Variants in RALGDS observed in about 807,000 individuals in gnomAD.
RALGDS encodes the protein ral guanine nucleotide exchange factor.
Under a neutral mutation model 99.8 loss-of-function variants are expected in RALGDS, and 44 were observed. That is an observed-to-expected ratio of 0.44 (90% CI 0.35 to 0.57). The LOEUF (loss-of-function observed/expected upper bound fraction) is 0.57. Ranked by LOEUF, RALGDS falls within the 20% of genes least tolerant of loss-of-function variation. RALGDS has a pLI of 0.01. For synonymous variants in RALGDS, 529 were observed against 505.0 expected (o/e 1.05, Z -0.64); for missense variants, 1,022 against 1,203.1 (o/e 0.85, Z 2.23).
chr9:133,106,559 G>T, intron 8 of RALGDS, 86 bp downstream of exon 8: 1 of 1,045,202 alleles, frequency 9.6e-7, no homozygotes. Flanking sequence ...CAGGGTTTGT[G>T]GCCTCCCATG....
chr9:133,129,847 G>A (rs983135831), intron 1 of RALGDS, among the ~76,000 whole-genome samples: 16 of 137,334 alleles, frequency 1.2e-4, no homozygotes, highest in Admixed American at 5.7e-4. Flanking sequence ...ATGGAATCTC[G>A]CTCTGTCGCC....
chr9:133,105,442 C>T (rs1366037321), intron 9 of RALGDS, among the ~76,000 whole-genome samples: 1 of 152,142 alleles, frequency 6.6e-6, no homozygotes, highest in Non-Finnish European at 1.5e-5. Context: ...CCAAATCTGC[C>T]TCCCAGGTCT....
Position 133,103,237 on chromosome 9 carries a change from CTCT to C in RALGDS, c.1781_1783del (p.Lys594del). On this transcript the variant is annotated inframe_deletion, in exon 12 of 18. Transcript: ENST00000372050. ...CTGCCTGCAGCTGCTTACCTTCCTC[CTCT>C]TCTCAAAGTTGATGAGTCTGCCCTG... is the stretch of plus-strand genomic sequence containing the variant. The C allele has an allele frequency of 1.2e-6, 2 of 1,613,976 alleles. No homozygotes were observed. Among genetic ancestry groups the C allele is most frequent in the Non-Finnish European group, 1.7e-6 (2 of 1,180,014 alleles).
intron 12 of RALGDS, 25 bp from the exon 13 acceptor site, chr9:133,102,925 C>T (rs767020930): frequency 3.5e-5 from 57 of 1,611,790 alleles, no homozygotes; most frequent in Middle Eastern, 1.6e-4. Context: ...AAGCACAGGG[C>T]GGTGACAAGG....
intron 1 of RALGDS, among the ~76,000 whole-genome samples, chr9:133,115,034 C>A (rs976271898): frequency 6.6e-6 from 1 of 152,140 alleles, no homozygotes. Flanking sequence ...GAGTGACAGG[C>A]CAGCAGGATG....
chr9:133,102,345 C>T (rs995083429), intron 14 of RALGDS, 131 bp downstream of exon 14: 1 of 1,157,344 alleles, frequency 8.6e-7, no homozygotes, highest in African/African-American at 1.5e-5. Flanking sequence ...GGACTCATCC[C>T]AGTCTCAGGG....
Position 133,098,647 on chromosome 9 carries a change from G to A in RALGDS, c.2685C>T (p.Ala895=), listed in dbSNP as rs1241292229. 6.2e-7 allele frequency: 1 copy of A among 1,614,154 alleles called. No individual in the cohort carries two copies. Among genetic ancestry groups the A allele is most frequent in the Admixed American group, 1.7e-5 (1 of 60,026 alleles). The change falls in exon 18 of 18, where the codon GCC becomes GCT. Residue 895 remains alanine (A), a synonymous_variant. Coordinates refer to ENST00000372050, the MANE Select transcript of RALGDS (RefSeq NM_006266.4). ...FTKGVKVKHG[A]SSTLPRMKQK... ...GCTTCATGCGAGGGAGGGTGGAGCT[G>A]GCTCCGTGCTTGACCTTCACTCCCT...
intron 1 of RALGDS, among the ~76,000 whole-genome samples, chr9:133,130,279 A>T (rs1367393899): frequency 1.3e-5 from 2 of 151,998 alleles, no homozygotes; most frequent in Non-Finnish European, 1.5e-5. Context: ...CACTTGGCTA[A>T]TTTTTTTGTA....
intron 1 of RALGDS, among the ~76,000 whole-genome samples, chr9:133,137,184 G>T (rs563514873): frequency 3.7e-4 from 56 of 151,978 alleles, no homozygotes; most frequent in Non-Finnish European, 6.9e-4. Flanking sequence ...AGTGAGCTGA[G>T]ATCGTGCCAC....
At chr9:133,104,992 T>G (rs574450371) in intron 9 of RALGDS, among the ~76,000 whole-genome samples, 69 of 152,276 alleles carry the variant, frequency 4.5e-4, no homozygotes, top group Middle Eastern at 3.4e-3. Context: ...TGACTTGCCC[T>G]GGGCCCCCCA....
At chr9:133,141,561 C>T (rs1230112017) in intron 1 of RALGDS, among the ~76,000 whole-genome samples, 10 of 148,082 alleles carry the variant, frequency 6.8e-5, no homozygotes, top group African/African-American at 2.0e-4. Flanking sequence ...CAGCAATAAG[C>T]GCTGAGCTGG....
Position 133,102,913 on chromosome 9 carries a change from G to C in RALGDS, c.1792-13C>G. On this transcript the variant is annotated splice_polypyrimidine_tract_variant and intron_variant, in intron 12 of 17. Transcript: ENST00000372050. ...TCACCTCGAACTCCTGGGGCCAGAG[G>C]GAAGCACAGGGCGGTGACAAGGCCC... The C allele has an allele frequency of 6.2e-7, 1 of 1,612,644 alleles. No individual in the cohort carries two copies. The highest frequency in any genetic ancestry group is 8.5e-7 in the Non-Finnish European group (1 of 1,179,898).
chr9:133,132,272 C>T (rs749424484), upstream of RALGDS, among the ~76,000 whole-genome samples: 13 of 152,178 alleles, frequency 8.5e-5, no homozygotes, highest in African/African-American at 1.4e-4. Context: ...ACGGGAGAGA[C>T]GCCCTGTGCA....
intron 9 of RALGDS, among the ~76,000 whole-genome samples, chr9:133,105,153 G>A (rs555334429): frequency 6.6e-6 from 1 of 152,238 alleles, no homozygotes; most frequent in East Asian, 1.9e-4. Flanking sequence ...AGGGACAGGT[G>A]TCCCAGGAGC....
intron 1 of RALGDS, among the ~76,000 whole-genome samples, chr9:133,147,609 C>T (rs917828643): frequency 3.3e-5 from 5 of 152,124 alleles, no homozygotes; most frequent in Non-Finnish European, 5.9e-5. Context: ...GGGTAGAGGC[C>T]GGGGTCCCCC....
intron 1 of RALGDS, among the ~76,000 whole-genome samples, chr9:133,137,193 A>G (rs1418720692): frequency 6.6e-6 from 1 of 151,842 alleles, no homozygotes; most frequent in African/African-American, 2.4e-5. Flanking sequence ...AGATCGTGCC[A>G]CTGCACTCCA....
chr9:133,110,238 G>C, intron 3 of RALGDS, 58 bp downstream of exon 3: 1 of 1,531,922 alleles, frequency 6.5e-7, no homozygotes, highest in Non-Finnish European at 9.0e-7. Context: ...CCCGCAGCCA[G>C]GTGGGGGTGG....
rs773825607 is a variant in RALGDS, at chr9:133,107,068, C to A, written c.1413+17G>T. ...GATGAAGCCAAAGTGGGGGCCCAGG[C>A]CCCTCCTCTGGCATACCCTGGCCAC... On this transcript the variant is annotated intron_variant, in intron 7 of 17. Transcript: ENST00000372050. 6.2e-7 allele frequency: 1 copy of A among 1,612,696 alleles called. No individual in the cohort carries two copies. Among genetic ancestry groups the A allele is most frequent in the Non-Finnish European group, 8.5e-7 (1 of 1,179,702 alleles).
intron 7 of RALGDS, among the ~76,000 whole-genome samples, 146 bp downstream of exon 7, chr9:133,106,929 GGAAGACGTGA>G (rs1831093229): frequency 6.8e-6 from 1 of 146,506 alleles, no homozygotes; most frequent in East Asian, 1.9e-4. Context: ...AAGAGTGTAA[GGAAGACGTGA>G]GCATCCAGGC....
Sources: allele counts gnomAD v4.1 joint callset (sites outside exome capture counted in the v4.1 genomes callset), GRCh38; gene constraint gnomAD v4.1.1; transcripts MANE v1.5; gene names NCBI Gene and HGNC (gene_info 2026-07-23, HGNC 2026-07-21).